The following PHKB variants were observed in gnomAD, a reference collection of about 807,000 sequenced individuals.
PHKB encodes the protein phosphorylase b kinase regulatory subunit beta.
Under a neutral mutation model 152.1 loss-of-function variants are expected in PHKB, and 122 were observed. The ratio of observed to expected loss-of-function variants is 0.80; its 90% CI spans 0.69 to 0.93. The LOEUF (loss-of-function observed/expected upper bound fraction) is 0.93. Among genes scored for constraint, PHKB ranks in the 40% least tolerant of loss-of-function variants. PHKB has a pLI of 0.00. For missense variants in PHKB, 1,304 were observed against 1,328.4 expected (o/e 0.98, Z 0.29); for synonymous variants, 436 against 464.9 (o/e 0.94, Z 0.80).
At chr16:47,548,713 A>C (rs1239634386) in intron 7 of PHKB, among the ~76,000 whole-genome samples, 1 of 152,162 alleles carries the variant, frequency 6.6e-6, no homozygotes, top group African/African-American at 2.4e-5. Context: ...AAGATGACAT[A>C]AGATATTTAG....
intron 20 of PHKB, among the ~76,000 whole-genome samples, chr16:47,655,953 G>A (rs896255180): frequency 1.3e-5 from 2 of 151,416 alleles, no homozygotes; most frequent in Non-Finnish European, 2.9e-5. Flanking sequence ...CCCATTTTTA[G>A]TTGTGTTTCA....
intron 20 of PHKB, among the ~76,000 whole-genome samples, chr16:47,654,199 G>A (rs1973290429): frequency 2.0e-5 from 3 of 152,110 alleles, no homozygotes; most frequent in South Asian, 2.1e-4. Flanking sequence ...GAATAACTAC[G>A]ATCAATATGC....
intron 6 of PHKB, among the ~76,000 whole-genome samples, chr16:47,522,104 G>T (rs975549819): frequency 6.6e-6 from 1 of 152,104 alleles, no homozygotes; most frequent in African/African-American, 2.4e-5. Context: ...CCTAGGATGG[G>T]TTAGGAAATG....
chr16:47,461,721 GGGC>G (rs1225454014), intron 1 of PHKB, among the ~76,000 whole-genome samples: 2 of 152,290 alleles, frequency 1.3e-5, no homozygotes, highest in Admixed American at 1.3e-4. Flanking sequence ...CTTAAAAATC[GGGC>G]GGCGGCACAT....
Position 47,689,093 on chromosome 16 carries a change from C to G in PHKB, c.2683C>G (p.Pro895Ala), listed in dbSNP as rs755927182. 13 of 1,613,712 alleles carry G rather than the reference C, an allele frequency of 8.1e-6. No homozygotes were observed. The highest frequency in any genetic ancestry group is 2.2e-5 in the South Asian group (2 of 91,060). ...YELQIRGGDK[P>A]ALDLYQLSPS... ...ACTTCAGATCCGTGGCGGAGACAAG[C>G]CAGCCTTGGACTTGTATCAGCTGTC... is the stretch of plus-strand genomic sequence containing the variant. Residue 895 changes from proline (P) to alanine (A), a missense_variant, in exon 27 of 31, where the codon CCA (proline) becomes GCA (alanine). Physicochemically the swap from Pro to Ala is conservative, Grantham distance 27. Transcript: ENST00000323584.
chr16:47,466,149 A>C (rs974589007), intron 1 of PHKB, among the ~76,000 whole-genome samples: 65 of 152,158 alleles, frequency 4.3e-4, no homozygotes, highest in African/African-American at 1.5e-3. Context: ...TGTTACTACT[A>C]ATGTACTAGT....
At chr16:47,663,965 G>A (rs373970116) in intron 24 of PHKB, 6 of 574,348 alleles carry the variant, frequency 1.0e-5, no homozygotes, top group African/African-American at 3.8e-5. Context: ...AAGAGTATTC[G>A]CTGGAATGGT....
At chr16:47,602,391 G>A (rs574011694) in intron 13 of PHKB, among the ~76,000 whole-genome samples, 22 of 152,270 alleles carry the variant, frequency 1.4e-4, no homozygotes, top group Non-Finnish European at 2.4e-4. Context: ...TCTTTGGTAA[G>A]TGATTGTTTG....
intron 6 of PHKB, among the ~76,000 whole-genome samples, chr16:47,521,282 TG>T (rs941670259): frequency 1.3e-5 from 2 of 152,198 alleles, no homozygotes; most frequent in African/African-American, 4.8e-5. Flanking sequence ...AATACAATCT[TG>T]AAAATAAGGG....
intron 1 of PHKB, among the ~76,000 whole-genome samples, chr16:47,488,994 G>A (rs986802626): frequency 6.6e-6 from 1 of 152,134 alleles, no homozygotes; most frequent in African/African-American, 2.4e-5. Context: ...GTCATTGGTA[G>A]TTTGATAGGA....
At chr16:47,521,083 T>C (rs1342002355) in intron 6 of PHKB, among the ~76,000 whole-genome samples, 1 of 152,230 alleles carries the variant, frequency 6.6e-6, no homozygotes, top group Non-Finnish European at 1.5e-5. Flanking sequence ...ATTCATTTGA[T>C]TTTTATAAAT....
rs761626903 is a variant in PHKB at position 47,461,344 on chromosome 16, G to C, written c.-7G>C. ...GGGGCGGTGGCCAAGGCGGCGACCG[G>C]AGCGCGATGGCGGGGGCGGCGGGAC... is the stretch of plus-strand genomic sequence containing the variant. On this transcript the variant is annotated 5_prime_UTR_variant, in exon 1 of 31. Coordinates refer to ENST00000323584, the MANE Select transcript of PHKB (RefSeq NM_000293.3). The C allele has an allele frequency of 1.2e-6, 2 of 1,607,656 alleles. No homozygotes were observed. The highest frequency in any genetic ancestry group is 4.5e-5 in the East Asian group (2 of 44,700).
intron 7 of PHKB, among the ~76,000 whole-genome samples, chr16:47,578,841 A>G (rs1452995087): frequency 1.3e-5 from 2 of 152,236 alleles, no homozygotes; most frequent in East Asian, 3.9e-4. Context: ...GGATGGGGGT[A>G]GGGTAAAGTT....
intron 7 of PHKB, among the ~76,000 whole-genome samples, chr16:47,577,409 ATGTAT>A (rs768942786): frequency 1.9e-4 from 29 of 152,282 alleles, no homozygotes; most frequent in East Asian, 1.5e-3. Flanking sequence ...GAGAAGAAAC[ATGTAT>A]TGTATTTACC....
intron 20 of PHKB, among the ~76,000 whole-genome samples, chr16:47,652,034 T>C (rs1196980929): frequency 6.6e-6 from 1 of 152,100 alleles, no homozygotes; most frequent in Non-Finnish European, 1.5e-5. Flanking sequence ...CTAGAGGTTT[T>C]CTTTTTTTTC....
At chr16:47,543,201 T>G (rs1971094052) in intron 6 of PHKB, among the ~76,000 whole-genome samples, 2 of 152,224 alleles carry the variant, frequency 1.3e-5, no homozygotes, top group African/African-American at 2.4e-5. Flanking sequence ...TTGAGAGTTT[T>G]TAGCATGAAG....
At chr16:47,484,575 A>AT (rs886418145) in intron 1 of PHKB, among the ~76,000 whole-genome samples, 10 of 151,950 alleles carry the variant, frequency 6.6e-5, no homozygotes, top group Non-Finnish European at 1.0e-4. Flanking sequence ...TCAGTGAAGC[A>AT]TTTTTTTTGG....
rs559596582 is a variant in PHKB, at chr16:47,527,111, C to T, written c.594+11510C>T. Among the ~76,000 whole-genome samples, 3 of 152,222 alleles carry T rather than the reference C, an allele frequency of 2.0e-5. No individual in the cohort carries two copies. The East Asian group carries it at 5.8e-4, about 29-fold the overall frequency. ...TAAACCATTTATAAGAAATCTGCCT[C>T]CGTGAGTTACTCGCCTCTAACCAGG... On this transcript the variant is annotated intron_variant, in intron 6 of 30. Coordinates refer to ENST00000323584, the MANE Select transcript of PHKB (RefSeq NM_000293.3).
intron 12 of PHKB, among the ~76,000 whole-genome samples, chr16:47,595,368 ATTAAGT>A (rs1187619802): frequency 6.6e-6 from 1 of 152,218 alleles, no homozygotes; most frequent in Non-Finnish European, 1.5e-5. Context: ...CATTAGAAAA[ATTAAGT>A]TTACTGTGGG....
Sources: allele counts gnomAD v4.1 joint callset (sites outside exome capture counted in the v4.1 genomes callset), GRCh38; gene constraint gnomAD v4.1.1; transcripts MANE v1.5; gene names NCBI Gene and HGNC (gene_info 2026-07-23, HGNC 2026-07-21).